The following FOCAD variants were observed in gnomAD, a reference collection of about 807,000 sequenced individuals.
FOCAD encodes the protein focadhesin.
FOCAD carries 198 observed loss-of-function variants against 225.6 expected under a neutral mutation model. That is an observed-to-expected ratio of 0.88 (90% CI 0.78 to 0.99). The LOEUF is 0.99. FOCAD is among the 50% of genes least tolerant of loss of function. The probability of loss-of-function intolerance (pLI) is 0.00; values close to 1 mark genes in which losing one functional copy is unlikely to be tolerated. For missense variants in FOCAD, 2,713 were observed against 2,123.6 expected, an observed-to-expected ratio of 1.28 and a Z score of -5.46; for synonymous variants, 897 against 755.0, an observed-to-expected ratio of 1.19 and a Z score of -3.08.
At chr9:20,666,388 G>A (rs1037063601) in intron 2 of FOCAD, among the ~76,000 whole-genome samples, 11 of 151,986 alleles carry the variant, frequency 7.2e-5, no homozygotes, top group African/African-American at 2.4e-4. Context: ...TGGGCAACAC[G>A]ACAAAATCCC....
intron 20 of FOCAD, among the ~76,000 whole-genome samples, chr9:20,882,989 A>C (rs1325173260): frequency 6.6e-6 from 1 of 152,134 alleles, no homozygotes; most frequent in African/African-American, 2.4e-5. Flanking sequence ...AAAAGTTATA[A>C]TCAGTCCTAA....
At chr9:20,911,262 T>C (rs1833414715) in intron 22 of FOCAD, among the ~76,000 whole-genome samples, 1 of 152,062 alleles carries the variant, frequency 6.6e-6, no homozygotes, top group Admixed American at 6.6e-5. Flanking sequence ...TTGAAGCAAA[T>C]GAACTATGAA....
chr9:20,951,444 T>C (rs1042503431), intron 34 of FOCAD, among the ~76,000 whole-genome samples: 6 of 152,186 alleles, frequency 3.9e-5, no homozygotes, highest in Non-Finnish European at 5.9e-5. Flanking sequence ...ATGAGTTACA[T>C]ACAGAGTTAA....
In FOCAD at chr9:20,984,966, A is replaced by G. The variant is rs568498601; in HGVS notation, c.4729-1322A>G. On this transcript the variant is annotated intron_variant, in intron 39 of 43. Transcript: ENST00000338382. Reference sequence around the variant, plus strand: ...CAGGCATCCACCATCATGCCTGGCTAATTTTTATATTTTTAGTAGAGACAG... The same window carrying G: ...CAGGCATCCACCATCATGCCTGGCTGATTTTTATATTTTTAGTAGAGACAG... 8.5e-5 allele frequency among the ~76,000 whole-genome samples: 13 copies of G among 152,174 alleles called. No homozygotes were observed. In the South Asian group the frequency reaches 2.7e-3, roughly 32 times the overall value.
At chr9:20,840,429 ATCATTTTATT>A (rs1826403366) in intron 15 of FOCAD, among the ~76,000 whole-genome samples, 1 of 79,252 alleles carries the variant, frequency 1.3e-5, no homozygotes, top group Non-Finnish European at 2.7e-5. Context: ...GTAGAGGTAT[ATCATTTTATT>A]TTATTTTATT....
chr9:20,841,467 GATTTCTTCCTAGTTTGGTC>G (rs796869941), intron 15 of FOCAD, among the ~76,000 whole-genome samples: 3 of 151,472 alleles, frequency 2.0e-5, no homozygotes, highest in Admixed American at 6.6e-5. Flanking sequence ...TCAGGTTTTG[GATTTCTTCCTAGTTTGGTC>G]TTGTTGGTAT....
At position 20,908,476 on chromosome 9, in the gene FOCAD, C is replaced by G. The variant is rs1346527518; in HGVS notation, c.2718+1234C>G. Among the ~76,000 whole-genome samples the G allele has an allele frequency of 2.0e-5, 3 of 152,106 alleles. No homozygotes were observed. In the East Asian group the frequency reaches 5.8e-4, roughly 29 times the overall value. ...TAGAAGTGAATAGGGGACCAGGAAT[C>G]TCCATGTTTTACAAGCTGCCAGGTG... On this transcript the variant is annotated intron_variant, in intron 22 of 43. Transcript: ENST00000338382.
At chr9:20,850,291 A>G (rs1827518406) in intron 15 of FOCAD, among the ~76,000 whole-genome samples, 2 of 151,800 alleles carry the variant, frequency 1.3e-5, no homozygotes, top group East Asian at 3.9e-4. Context: ...TTTCAAAAAC[A>G]TTGTATTATT....
chr9:20,795,556 T>C (rs371878784), intron 11 of FOCAD, among the ~76,000 whole-genome samples: 10 of 151,684 alleles, frequency 6.6e-5, no homozygotes, highest in Non-Finnish European at 1.3e-4. Flanking sequence ...GAGGCCGAGG[T>C]GGGCGGATCA....
intron 10 of FOCAD, among the ~76,000 whole-genome samples, chr9:20,786,222 G>C (rs1397744296): frequency 6.6e-6 from 1 of 152,144 alleles, no homozygotes; most frequent in Non-Finnish European, 1.5e-5. Flanking sequence ...GTAAATAACA[G>C]TTCCATTTCA....
intron 35 of FOCAD, among the ~76,000 whole-genome samples, chr9:20,959,606 C>G (rs775835363): frequency 6.6e-6 from 1 of 152,050 alleles, no homozygotes; most frequent in African/African-American, 2.4e-5. Flanking sequence ...AAATCTTGCC[C>G]TAGGCCTGTG....
intron 40 of FOCAD, among the ~76,000 whole-genome samples, chr9:20,986,936 T>G (rs1276361081): frequency 6.6e-6 from 1 of 152,212 alleles, no homozygotes; most frequent in East Asian, 1.9e-4. Flanking sequence ...TTAGCAAGCT[T>G]GAAGCTCTGC....
chr9:20,751,142 C>G (rs896501567), intron 5 of FOCAD, among the ~76,000 whole-genome samples: 1 of 143,342 alleles, frequency 7.0e-6, no homozygotes, highest in Non-Finnish European at 1.5e-5. Flanking sequence ...TTTATCTCAC[C>G]TCTCCACTTC....
At chr9:20,763,948 C>G (rs998933328) in intron 6 of FOCAD, among the ~76,000 whole-genome samples, 2 of 152,094 alleles carry the variant, frequency 1.3e-5, no homozygotes, top group Non-Finnish European at 2.9e-5. Context: ...TTAAGAAGAC[C>G]TTGACAAATT....
At chr9:20,931,362 G>T (rs1310335627) in intron 27 of FOCAD, among the ~76,000 whole-genome samples, 7 of 152,210 alleles carry the variant, frequency 4.6e-5, no homozygotes, top group South Asian at 2.1e-4. Flanking sequence ...TCTACTTAGG[G>T]CCTGTGTGTT....
upstream of FOCAD, among the ~76,000 whole-genome samples, chr9:20,656,738 C>T (rs1290989992): frequency 6.6e-6 from 1 of 152,074 alleles, no homozygotes. Flanking sequence ...TCCAATTTGC[C>T]AGTCTGTGTC....
chr9:20,962,874 T>C (rs1838882566), intron 35 of FOCAD, among the ~76,000 whole-genome samples: 1 of 152,208 alleles, frequency 6.6e-6, no homozygotes, highest in Non-Finnish European at 1.5e-5. Flanking sequence ...AAAAACTTGT[T>C]TGAAAGACAA....
intron 22 of FOCAD, among the ~76,000 whole-genome samples, chr9:20,911,062 G>A (rs1833399215): frequency 6.6e-6 from 1 of 152,064 alleles, no homozygotes; most frequent in Non-Finnish European, 1.5e-5. Context: ...TATAGGAAAT[G>A]TTTTAGGAGT....
intron 11 of FOCAD, among the ~76,000 whole-genome samples, chr9:20,810,555 G>T (rs2131347740): frequency 6.6e-6 from 1 of 152,210 alleles, no homozygotes; most frequent in Middle Eastern, 3.4e-3. Context: ...CAGGAATTCA[G>T]TCACTATAGT....
Sources: gnomAD v4.1 joint callset for allele counts (sites outside exome capture counted in the v4.1 genomes callset) on GRCh38, gnomAD v4.1.1 for gene constraint, MANE v1.5 for transcripts, NCBI Gene and HGNC (gene_info 2026-07-23, HGNC 2026-07-21) for gene names.